Variants in PRTN3 observed in about 807,000 individuals in gnomAD.
PRTN3 encodes proteinase 3.
Under a neutral mutation model 20.7 loss-of-function variants are expected in PRTN3, and 22 were observed. That is an observed-to-expected ratio of 1.06 (90% confidence interval 0.76 to 1.52). The LOEUF is 1.52. Among genes scored for constraint, PRTN3 ranks in the 40% most tolerant of loss-of-function variants. The pLI, the probability that PRTN3 is intolerant of heterozygous loss-of-function variation, is 0.00. For missense variants in PRTN3, 378 were observed against 359.6 expected, an observed-to-expected ratio of 1.05 and a Z score of -0.41; for synonymous variants, 173 against 152.9, an observed-to-expected ratio of 1.13 and a Z score of -0.97.
rs34047197 is a variant in PRTN3, at chr19:842,413, A to ATTTTTTTTTTTT, written c.62-1035_62-1024dup. Among the ~76,000 whole-genome samples, 47 of 39,414 alleles carry ATTTTTTTTTTTT rather than the reference A, an allele frequency of 1.2e-3. 10 individuals are homozygous for ATTTTTTTTTTTT. The highest frequency in any genetic ancestry group is 5.2e-3 in the African/African-American group (35 of 6,788). 25.9% of individuals were successfully genotyped at this position (39,414 alleles called of 152,430 possible). A position where few individuals can be genotyped will look rare whatever the true frequency, so the allele number is the denominator to read the frequency against. Reference sequence around the variant, plus strand: ...TCAGGCATGAGCCACTGCGCCCAGGATTTTTTTTTTTTTTTTTTTTTTTTG... The same window carrying ATTTTTTTTTTTT: ...TCAGGCATGAGCCACTGCGCCCAGGATTTTTTTTTTTTTTTTTTTTTTTTTTTTTTTTTTTTG... On this transcript the variant is annotated intron_variant, in intron 1 of 4. Transcript: ENST00000234347.
intron 1 of PRTN3, among the ~76,000 whole-genome samples, chr19:842,413 AT>A (rs34047197): frequency 0.025 from 1,001 of 39,362 alleles, 5 homozygotes; most frequent in African/African-American, 0.051. Flanking sequence ...TGCGCCCAGG[AT>A]TTTTTTTTTT....
At chr19:844,068 C>T (rs747385858) in intron 3 of PRTN3, 34 bp downstream of exon 3, 25 of 1,576,828 alleles carry the variant, frequency 1.6e-5, no homozygotes, top group Non-Finnish European at 1.9e-5. Flanking sequence ...CTCGGAGGGG[C>T]ACGGCCAGAG....
chr19:847,674 G>A (rs71335273), intron 4 of PRTN3, 125 bp from the exon 5 acceptor site: 262,545 of 1,204,548 alleles, frequency 0.22, 33,750 homozygotes, highest in East Asian at 0.55. Flanking sequence ...GGGCCAGCCC[G>A]GGTGACTGGC....
rs1376599345 is a variant in PRTN3 at position 843,888 on chromosome 19, C to T, written c.228-5C>T. 1 of 1,584,660 alleles carries T rather than the reference C, an allele frequency of 6.3e-7. No homozygotes were observed. The highest frequency in any genetic ancestry group is 8.6e-7 in the Non-Finnish European group (1 of 1,166,984). Reference sequence around the variant, plus strand: ...CGCCGAGGAGTGACCACCCCACCCCCGCAGACCCCAGCGCCTGGTGAACGT... The same window carrying T: ...CGCCGAGGAGTGACCACCCCACCCCTGCAGACCCCAGCGCCTGGTGAACGT... On this transcript the variant is annotated splice_region_variant and splice_polypyrimidine_tract_variant and intron_variant, in intron 2 of 4. Coordinates refer to ENST00000234347, the MANE Select transcript of PRTN3 (RefSeq NM_002777.4).
intron 1 of PRTN3, chr19:843,209 C>G: frequency 1.9e-6 from 1 of 522,006 alleles, no homozygotes; most frequent in Non-Finnish European, 3.4e-6. Flanking sequence ...AGCCACTGCA[C>G]CCAGCCACCT....
intron 1 of PRTN3, 118 bp from the exon 2 acceptor site, chr19:843,343 G>A: frequency 8.9e-7 from 1 of 1,123,142 alleles, no homozygotes; most frequent in Non-Finnish European, 1.2e-6. Context: ...CAGCCAGCAG[G>A]CACTGACCGG....
At chr19:845,885 G>T (rs902470990) in intron 3 of PRTN3, among the ~76,000 whole-genome samples, 1 of 152,028 alleles carries the variant, frequency 6.6e-6, no homozygotes, top group East Asian at 1.9e-4. Flanking sequence ...GCTCCGGGAG[G>T]TTCCAGTGAG....
rs767713208 is a variant in PRTN3 at position 848,005 on chromosome 19, C to T, written c.*36C>T. On this transcript the variant is annotated 3_prime_UTR_variant, in exon 5 of 5. Transcript: ENST00000234347. ...CCACAGCGCTGGCCGGGACCCCGAG[C>T]CTGGCTCCAAACCCTCGAGGCGGAT... The T allele has an allele frequency of 2.6e-6, 4 of 1,568,500 alleles. No individual in the cohort carries two copies. Among genetic ancestry groups the T allele is most frequent in the Non-Finnish European group, 8.6e-7 (1 of 1,158,876 alleles).
Sources: gnomAD v4.1 joint callset for allele counts (sites outside exome capture counted in the v4.1 genomes callset) on GRCh38, gnomAD v4.1.1 for gene constraint, MANE v1.5 for transcripts, NCBI Gene and HGNC (gene_info 2026-07-23, HGNC 2026-07-21) for gene names.